The following COL19A1 variants were observed in gnomAD, a reference collection of about 807,000 sequenced individuals.
COL19A1 encodes the protein collagen type XIX alpha 1 chain, also known as collagen alpha-1(XIX) chain.
In COL19A1, 159 loss-of-function variants were observed where a neutral mutation model predicts 190.2. The observed-to-expected ratio is 0.84, with a 90% CI of 0.73 to 0.95. COL19A1 has a LOEUF of 0.95. COL19A1 is among the 40% of genes least tolerant of loss of function. The probability of loss-of-function intolerance (pLI) is 0.00; values close to 1 mark genes in which losing one functional copy is unlikely to be tolerated. For synonymous variants in COL19A1, 509 were observed against 458.9 expected (o/e 1.11, Z -1.39); for missense variants, 1,418 against 1,431.9 (o/e 0.99, Z 0.16).
intron 11 of COL19A1, among the ~76,000 whole-genome samples, chr6:70,021,602 T>A (rs1778420351): frequency 6.6e-6 from 1 of 152,160 alleles, no homozygotes; most frequent in African/African-American, 2.4e-5. Context: ...TTCTTCTGTG[T>A]ATTTGTGAGC....
chr6:69,970,678 C>A lies in COL19A1; in HGVS notation c.1026+7808C>A, dbSNP rs184370048. Reference sequence around the variant, plus strand: ...ACTGTCTACATGTTACCTTACTTCCCGTGAATTCTGTCTTGGTTCACCTTG... The same window carrying A: ...ACTGTCTACATGTTACCTTACTTCCAGTGAATTCTGTCTTGGTTCACCTTG... On this transcript the variant is annotated intron_variant, in intron 11 of 50. Transcript: ENST00000620364. Among the ~76,000 whole-genome samples, 76 of 152,226 alleles carry A rather than the reference C, an allele frequency of 5.0e-4. 1 individual carries two copies. The highest frequency in any genetic ancestry group is 7.4e-4 in the Non-Finnish European group (50 of 68,012).
At chr6:70,174,550 A>C in intron 41 of COL19A1, among the ~76,000 whole-genome samples, 1 of 141,336 alleles carries the variant, frequency 7.1e-6, no homozygotes, top group Admixed American at 7.1e-5. Flanking sequence ...ATAGAGCCAG[A>C]CTCCGTCTCA....
At chr6:69,981,391 A>G (rs1776024642) in intron 11 of COL19A1, among the ~76,000 whole-genome samples, 1 of 152,178 alleles carries the variant, frequency 6.6e-6, no homozygotes, top group South Asian at 2.1e-4. Flanking sequence ...GGGAGAAAAT[A>G]AAAAATGCAG....
chr6:69,976,465 GA>G (rs2150060335), intron 11 of COL19A1, among the ~76,000 whole-genome samples: 1 of 152,318 alleles, frequency 6.6e-6, no homozygotes, highest in Non-Finnish European at 1.5e-5. Context: ...TAGCAGATAT[GA>G]AAGAGACAAA....
At chr6:70,051,943 T>G (rs1416808114) in intron 14 of COL19A1, among the ~76,000 whole-genome samples, 6 of 151,890 alleles carry the variant, frequency 4.0e-5, no homozygotes, top group African/African-American at 1.4e-4. Context: ...CTCAACCCTG[T>G]CCCCCAGGAT....
chr6:70,127,151 G>T (rs1785250433), intron 17 of COL19A1, among the ~76,000 whole-genome samples: 1 of 152,112 alleles, frequency 6.6e-6, no homozygotes, highest in South Asian at 2.1e-4. Context: ...GCTGAGATGG[G>T]AATGACCTTG....
chr6:70,063,534 G>T (rs1336217999), intron 14 of COL19A1, among the ~76,000 whole-genome samples: 4 of 152,108 alleles, frequency 2.6e-5, no homozygotes, highest in East Asian at 3.8e-4. Flanking sequence ...AAGCAGGAAA[G>T]ATCTAAAATT....
chr6:70,036,630 G>A (rs1305302494), intron 14 of COL19A1, among the ~76,000 whole-genome samples: 1 of 151,846 alleles, frequency 6.6e-6, no homozygotes, highest in Non-Finnish European at 1.5e-5. Flanking sequence ...ACTTAAATAA[G>A]ACTCTAAGCC....
At chr6:70,065,719 G>C (rs1156265085) in intron 14 of COL19A1, among the ~76,000 whole-genome samples, 2 of 151,992 alleles carry the variant, frequency 1.3e-5, no homozygotes, top group Non-Finnish European at 2.9e-5. Flanking sequence ...TCTGACAAAG[G>C]GCTAATATCC....
intron 9 of COL19A1, among the ~76,000 whole-genome samples, chr6:69,940,079 A>T (rs1773377190): frequency 6.6e-6 from 1 of 152,038 alleles, no homozygotes; most frequent in Non-Finnish European, 1.5e-5. Context: ...CCACTGAAAA[A>T]AAAAAATCTA....
chr6:70,100,757 T>C (rs149622901), intron 15 of COL19A1, among the ~76,000 whole-genome samples: 7,741 of 152,112 alleles, frequency 0.051, 260 homozygotes, highest in Non-Finnish European at 0.076. Flanking sequence ...GGATTACAGT[T>C]GTGAGCCACC....
chr6:70,098,151 C>T (rs535576013), intron 15 of COL19A1, among the ~76,000 whole-genome samples: 1 of 152,262 alleles, frequency 6.6e-6, no homozygotes, highest in East Asian at 1.9e-4. Flanking sequence ...TCCCCAGAGC[C>T]CTGCAAAGAA....
chr6:70,132,788 G>A (rs1453689651), intron 18 of COL19A1, among the ~76,000 whole-genome samples: 1 of 152,152 alleles, frequency 6.6e-6, no homozygotes, highest in Non-Finnish European at 1.5e-5. Flanking sequence ...GTAATAGGAA[G>A]AGCATGAGCT....
At chr6:70,024,049 C>T (rs1325621849) in intron 12 of COL19A1, among the ~76,000 whole-genome samples, 5 of 152,044 alleles carry the variant, frequency 3.3e-5, no homozygotes, top group African/African-American at 4.8e-5. Flanking sequence ...CTATAGATGG[C>T]GTCTGTATTG....
intron 15 of COL19A1, among the ~76,000 whole-genome samples, chr6:70,079,462 C>A (rs1782101694): frequency 6.6e-6 from 1 of 151,876 alleles, no homozygotes; most frequent in African/African-American, 2.4e-5. Flanking sequence ...AAGGGAGAAA[C>A]TAGAAAGAAA....
chr6:69,904,552 A>G (rs1040295421), intron 4 of COL19A1, among the ~76,000 whole-genome samples: 2 of 152,168 alleles, frequency 1.3e-5, no homozygotes, highest in African/African-American at 4.8e-5. Flanking sequence ...GTGTATAAGC[A>G]CTATAAGAGG....
chr6:69,876,212 C>T (rs1297261282), intron 1 of COL19A1, among the ~76,000 whole-genome samples: 1 of 152,094 alleles, frequency 6.6e-6, no homozygotes, highest in Non-Finnish European at 1.5e-5. Flanking sequence ...GTCAACTAGC[C>T]ATAAATCTTA....
chr6:70,018,372 G>C (rs574632193), intron 11 of COL19A1, among the ~76,000 whole-genome samples: 1 of 152,212 alleles, frequency 6.6e-6, no homozygotes, highest in South Asian at 2.1e-4. Context: ...TAAGGACCTA[G>C]AATTAGGTTA....
chr6:70,141,604 T>G (rs1786253401), intron 20 of COL19A1, among the ~76,000 whole-genome samples: 1 of 152,098 alleles, frequency 6.6e-6, no homozygotes, highest in Admixed American at 6.6e-5. Flanking sequence ...AAATTATAAC[T>G]ATGTCAGCTA....
Sources: gnomAD v4.1 joint callset for allele counts (sites outside exome capture counted in the v4.1 genomes callset) on GRCh38, gnomAD v4.1.1 for gene constraint, MANE v1.5 for transcripts, NCBI Gene and HGNC (gene_info 2026-07-23, HGNC 2026-07-21) for gene names.